The following RBFOX1 variants were observed in gnomAD, a reference collection of about 807,000 sequenced individuals.
RBFOX1 encodes the protein RNA binding fox-1 homolog 1.
Under a neutral mutation model 57.7 loss-of-function variants are expected in RBFOX1, and 8 were observed. That is an observed-to-expected ratio of 0.14 (90% CI 0.08 to 0.25). The LOEUF (loss-of-function observed/expected upper bound fraction) is 0.25, where lower values mean the gene tolerates loss of function less well. Ranked by LOEUF, RBFOX1 falls within the 10% of genes least tolerant of loss-of-function variation. The pLI is 1.00. For missense variants in RBFOX1, 611 were observed against 548.5 expected, an observed-to-expected ratio of 1.11 and a Z score of -1.14; for synonymous variants, 326 against 222.4, an observed-to-expected ratio of 1.47 and a Z score of -4.15.
intron 3 of RBFOX1, among the ~76,000 whole-genome samples, chr16:7,016,384 G>A (rs562024848): frequency 2.6e-5 from 4 of 152,160 alleles, no homozygotes; most frequent in South Asian, 2.1e-4. Flanking sequence ...GAAGCCTTTC[G>A]GATACTGAAA....
intron 4 of RBFOX1, among the ~76,000 whole-genome samples, chr16:7,073,840 G>A (rs999155471): frequency 1.3e-5 from 2 of 152,194 alleles, no homozygotes; most frequent in East Asian, 3.9e-4. Flanking sequence ...CTGGGTGACA[G>A]AGCAAGGCAT....
At chr16:6,397,282 T>C (rs923519099) in intron 2 of RBFOX1, among the ~76,000 whole-genome samples, 8 of 152,168 alleles carry the variant, frequency 5.3e-5, no homozygotes, top group Non-Finnish European at 1.2e-4. Flanking sequence ...AAAAACATCT[T>C]GAAAACAATC....
intron 4 of RBFOX1, among the ~76,000 whole-genome samples, chr16:7,203,687 A>G (rs1486868947): frequency 6.6e-6 from 1 of 152,154 alleles, no homozygotes; most frequent in African/African-American, 2.4e-5. Context: ...CCTAGTCCAC[A>G]TTTTGGTTAA....
chr16:5,749,185 A>G (rs952473035), intron 3 of RBFOX1, among the ~76,000 whole-genome samples: 6 of 152,112 alleles, frequency 3.9e-5, no homozygotes, highest in African/African-American at 7.2e-5. Context: ...AGAATGTTGA[A>G]TATTGCCCCC....
At chr16:6,502,866 T>A (rs140671083) in intron 2 of RBFOX1, among the ~76,000 whole-genome samples, 17 of 152,320 alleles carry the variant, frequency 1.1e-4, no homozygotes, top group African/African-American at 4.1e-4. Context: ...TAACTGGGGT[T>A]ATGTCCGTTT....
chr16:7,408,876 A>T (rs1597690657), intron 4 of RBFOX1, among the ~76,000 whole-genome samples: 1 of 147,192 alleles, frequency 6.8e-6, no homozygotes, highest in African/African-American at 2.7e-5. Context: ...TATTCCCCAG[A>T]TAAGAACCAT....
chr16:6,961,145 C>CCACACACACACACACACACACA (rs1555682427), intron 3 of RBFOX1, among the ~76,000 whole-genome samples: 1 of 143,658 alleles, frequency 7.0e-6, no homozygotes, highest in Non-Finnish European at 1.5e-5. Flanking sequence ...TCACACACAC[C>CCACACACACACACACACACACA]CACACAGACA....
chr16:7,616,282 C>T (rs1245355059), intron 10 of RBFOX1, among the ~76,000 whole-genome samples: 2 of 152,232 alleles, frequency 1.3e-5, no homozygotes, highest in Admixed American at 6.5e-5. Flanking sequence ...TTCCAGGTGT[C>T]CTCTCACCGT....
At position 6,764,885 on chromosome 16, in the gene RBFOX1, C is replaced by T. The variant is rs528452657; in HGVS notation, c.-16+110235C>T. On this transcript the variant is annotated intron_variant, in intron 3 of 15. Transcript: ENST00000550418. ...CCAGAAGGTGAAGGTTGCAGTGAGC[C>T]GAGATTGTGCCACTGCACTCCAACC... Among the ~76,000 whole-genome samples, 13 of 151,960 alleles carry T rather than the reference C, an allele frequency of 8.6e-5. No homozygotes were observed. The East Asian group carries it at 1.9e-3, about 23-fold the overall frequency.
intron 3 of RBFOX1, among the ~76,000 whole-genome samples, chr16:5,619,109 C>A (rs1177041131): frequency 7.2e-5 from 11 of 152,176 alleles, no homozygotes; most frequent in Admixed American, 5.9e-4. Context: ...GCTGGAGGAA[C>A]CACATGGGAA....
intron 1 of RBFOX1, among the ~76,000 whole-genome samples, chr16:5,390,540 C>T (rs754525018): frequency 1.6e-4 from 24 of 152,226 alleles, no homozygotes; most frequent in African/African-American, 2.9e-4. Flanking sequence ...CCACCTGCCT[C>T]GGCCTCCCAA....
chr16:7,472,671 T>C (rs1205564500), intron 4 of RBFOX1, among the ~76,000 whole-genome samples: 1 of 152,194 alleles, frequency 6.6e-6, no homozygotes, highest in Non-Finnish European at 1.5e-5. Context: ...CCAGAGGCAG[T>C]CAATTAATAA....
At chr16:6,315,263 A>G (rs768026470) in intron 1 of RBFOX1, among the ~76,000 whole-genome samples, 3 of 152,212 alleles carry the variant, frequency 2.0e-5, no homozygotes, top group Non-Finnish European at 4.4e-5. Flanking sequence ...GACTGGAAAG[A>G]TGGATGGATG....
At chr16:5,896,107 T>G (rs1414857854) in intron 4 of RBFOX1, among the ~76,000 whole-genome samples, 2 of 152,000 alleles carry the variant, frequency 1.3e-5, no homozygotes, top group Non-Finnish European at 2.9e-5. Context: ...GGGACTAAAT[T>G]AGTATAAGGA....
chr16:5,762,896 G>A (rs886746033), intron 3 of RBFOX1, among the ~76,000 whole-genome samples: 1 of 152,136 alleles, frequency 6.6e-6, no homozygotes, highest in Non-Finnish European at 1.5e-5. Flanking sequence ...AAATAAAATT[G>A]GGAAGAAAAC....
chr16:5,917,804 A>G (rs531679781), intron 4 of RBFOX1, among the ~76,000 whole-genome samples: 7 of 152,318 alleles, frequency 4.6e-5, no homozygotes, highest in Non-Finnish European at 7.4e-5. Context: ...TATAAAATTC[A>G]TACCGGGTTG....
rs1364469898 is a variant in RBFOX1, at chr16:5,454,229, C to T, written c.220-12987C>T. On this transcript the variant is annotated intron_variant, in intron 1 of 2. Transcript: ENST00000585867. ...ACAGAGATCTCTGGCCGAAGTCCTT[C>T]ACACTTCCCTCTGGAGGGAATAGTG... is the stretch of plus-strand genomic sequence containing the variant. 5.3e-5 allele frequency among the ~76,000 whole-genome samples: 8 copies of T among 152,336 alleles called. No individual in the cohort carries two copies. In the East Asian group the frequency reaches 1.5e-3, roughly 29 times the overall value.
intron 1 of RBFOX1, among the ~76,000 whole-genome samples, chr16:6,071,178 G>T (rs7196039): frequency 0.86 from 130,976 of 152,054 alleles, 56,807 homozygotes; most frequent in East Asian, 0.92. Context: ...AAAAATTAGC[G>T]GGACGTGTGG....
chr16:5,340,479 C>T (rs1355472906), intron 1 of RBFOX1, among the ~76,000 whole-genome samples: 1 of 152,154 alleles, frequency 6.6e-6, no homozygotes, highest in Admixed American at 6.5e-5. Context: ...GCCATGGGCA[C>T]ATATTGGGAG....
Sources: allele counts gnomAD v4.1 joint callset (sites outside exome capture counted in the v4.1 genomes callset), GRCh38; gene constraint gnomAD v4.1.1; transcripts MANE v1.5; gene names NCBI Gene and HGNC (gene_info 2026-07-23, HGNC 2026-07-21).